CCNY: variants seen among roughly 807,000 people sequenced by gnomAD.
CCNY encodes the protein cyclin-Y.
A neutral mutation model predicts 42.8 loss-of-function variants in CCNY; 19 were observed. That is an observed-to-expected ratio of 0.44 (90% CI 0.31 to 0.65). CCNY has a LOEUF of 0.65. CCNY is among the 30% of genes least tolerant of loss of function. The pLI is 0.07. For missense variants in CCNY, 370 were observed against 437.3 expected, an observed-to-expected ratio of 0.85 and a Z score of 1.37; for synonymous variants, 165 against 162.7, an observed-to-expected ratio of 1.01 and a Z score of -0.11.
At chr10:35,273,249 T>G (rs1349426360) in intron 3 of CCNY, among the ~76,000 whole-genome samples, 3 of 152,022 alleles carry the variant, frequency 2.0e-5, no homozygotes, top group African/African-American at 7.3e-5. Flanking sequence ...TCACCTAGGC[T>G]GGAGCGCAGT....
chr10:35,393,714 G>A (rs767856812), intron 1 of CCNY, among the ~76,000 whole-genome samples: 19 of 152,138 alleles, frequency 1.2e-4, no homozygotes, highest in Non-Finnish European at 2.4e-4. Context: ...ATTTTCTCCA[G>A]GCTTTTAGTG....
At chr10:35,505,587 G>A (rs1281118929) in intron 3 of CCNY, among the ~76,000 whole-genome samples, 2 of 152,122 alleles carry the variant, frequency 1.3e-5, no homozygotes, top group African/African-American at 4.8e-5. Context: ...CTGCTAATTG[G>A]GCAATCTTGG....
rs567100206 is a variant in CCNY, at chr10:35,346,901, A to G, written c.154+9694A>G. On this transcript the variant is annotated intron_variant, in intron 1 of 9. Coordinates refer to ENST00000374704, the MANE Select transcript of CCNY (RefSeq NM_145012.6). The stretch of plus-strand genomic sequence containing the variant: ...CTCGGCCTTCCAAAGTGCTGGGATT[A>G]TAGGTGTGAGCCACCATGGGTTGCC... Among the ~76,000 whole-genome samples the G allele has an allele frequency of 2.6e-5, 4 of 152,382 alleles. No homozygotes were observed. The South Asian group carries it at 8.3e-4, about 32-fold the overall frequency.
At chr10:35,507,647 C>T (rs928697108) in intron 3 of CCNY, among the ~76,000 whole-genome samples, 3 of 152,164 alleles carry the variant, frequency 2.0e-5, no homozygotes, top group Admixed American at 6.5e-5. Context: ...TCCGCTACAG[C>T]GTGTTTTTCT....
At chr10:35,270,446 C>G (rs1835149330) in intron 3 of CCNY, among the ~76,000 whole-genome samples, 1 of 152,206 alleles carries the variant, frequency 6.6e-6, no homozygotes. Flanking sequence ...CATCCAGTGA[C>G]ATCAGACTTG....
rs937801001 is a variant in CCNY, at chr10:35,365,782, G to T, written c.154+28575G>T. Reference sequence around the variant, plus strand: ...AAGGTATTAACCTTAGAGGAAGCTGGGTAAAGGGTATATGGGAACTGAACT... The same window carrying T: ...AAGGTATTAACCTTAGAGGAAGCTGTGTAAAGGGTATATGGGAACTGAACT... On this transcript the variant is annotated intron_variant, in intron 1 of 9. Transcript: ENST00000374704. Among the ~76,000 whole-genome samples the T allele has an allele frequency of 2.0e-5, 3 of 152,256 alleles. No individual in the cohort carries two copies. The East Asian group carries it at 5.8e-4, about 29-fold the overall frequency.
At chr10:35,562,872 T>G (rs1841493755) in intron 8 of CCNY, among the ~76,000 whole-genome samples, 1 of 121,738 alleles carries the variant, frequency 8.2e-6, no homozygotes. Flanking sequence ...TTAAAACAGC[T>G]CTTTTTAACA....
chr10:35,364,913 A>G (rs1836776727), intron 1 of CCNY, among the ~76,000 whole-genome samples: 1 of 152,156 alleles, frequency 6.6e-6, no homozygotes, highest in Non-Finnish European at 1.5e-5. Context: ...TCTGTTGTGC[A>G]TTTTCCTAGT....
chr10:35,568,583 T>TG (rs1841618902), intron 9 of CCNY, among the ~76,000 whole-genome samples: 1 of 152,256 alleles, frequency 6.6e-6, no homozygotes, highest in African/African-American at 2.4e-5. Context: ...CCCTAGCTGG[T>TG]GGTCTGGCTG....
At chr10:35,549,720 A>G in intron 7 of CCNY, among the ~76,000 whole-genome samples, 1 of 143,282 alleles carries the variant, frequency 7.0e-6, no homozygotes, top group South Asian at 2.2e-4. Flanking sequence ...ACTGCTTGTG[A>G]CCCTGCGCTG....
chr10:35,360,393 C>T (rs1836658048), intron 1 of CCNY, among the ~76,000 whole-genome samples: 1 of 150,226 alleles, frequency 6.7e-6, no homozygotes. Flanking sequence ...CTTAAGCGAT[C>T]CTCCTGTCTC....
intron 1 of CCNY, among the ~76,000 whole-genome samples, chr10:35,439,050 G>A (rs1001508351): frequency 1.3e-5 from 2 of 152,096 alleles, no homozygotes; most frequent in African/African-American, 4.8e-5. Context: ...TTTCCTTATA[G>A]GTAGGTGTCA....
intron 1 of CCNY, among the ~76,000 whole-genome samples, chr10:35,458,796 C>A (rs12269544): frequency 0.011 from 1,743 of 152,338 alleles, 24 homozygotes; most frequent in African/African-American, 0.024. Flanking sequence ...GTTTTTATCA[C>A]AGGTCTTTCC....
chr10:35,272,659 C>T (rs1018187513), intron 3 of CCNY, among the ~76,000 whole-genome samples: 10 of 152,142 alleles, frequency 6.6e-5, no homozygotes, highest in African/African-American at 2.4e-4. Flanking sequence ...TTTTCTTTAT[C>T]CAGTCTACCA....
At chr10:35,263,355 T>A (rs1173094586) in intron 3 of CCNY, among the ~76,000 whole-genome samples, 2 of 47,822 alleles carry the variant, frequency 4.2e-5, no homozygotes, top group South Asian at 8.8e-4. Flanking sequence ...AGACTCCGTC[T>A]CAAAAAAAAA....
intron 3 of CCNY, among the ~76,000 whole-genome samples, chr10:35,508,725 T>C (rs1185238192): frequency 1.3e-5 from 2 of 152,232 alleles, no homozygotes; most frequent in African/African-American, 4.8e-5. Flanking sequence ...TAATTTCTAC[T>C]GAAAAACTTA....
At chr10:35,485,857 C>T (rs1414830566) in intron 2 of CCNY, among the ~76,000 whole-genome samples, 1 of 152,184 alleles carries the variant, frequency 6.6e-6, no homozygotes, top group East Asian at 1.9e-4. Context: ...GAAATCCTGC[C>T]CTTCTGAAAG....
chr10:35,482,929 G>A (rs1839705773), intron 1 of CCNY, among the ~76,000 whole-genome samples: 2 of 152,136 alleles, frequency 1.3e-5, no homozygotes, highest in Non-Finnish European at 2.9e-5. Flanking sequence ...TTTGCTCTAA[G>A]GGACAAGTTT....
intron 1 of CCNY, among the ~76,000 whole-genome samples, chr10:35,396,909 C>G (rs1459313900): frequency 6.6e-6 from 1 of 152,198 alleles, no homozygotes; most frequent in African/African-American, 2.4e-5. Flanking sequence ...ATTCCAATTA[C>G]AAAGGGTTAT....
Sources: gnomAD v4.1 joint callset for allele counts (sites outside exome capture counted in the v4.1 genomes callset) on GRCh38, gnomAD v4.1.1 for gene constraint, MANE v1.5 for transcripts, NCBI Gene and HGNC (gene_info 2026-07-23, HGNC 2026-07-21) for gene names.